KCNMB2: variants seen among roughly 807,000 people sequenced by gnomAD.
KCNMB2 encodes the protein calcium-activated potassium channel subunit beta-2.
Under a neutral mutation model 24.5 loss-of-function variants are expected in KCNMB2, and 9 were observed. The ratio of observed to expected loss-of-function variants is 0.37; its 90% CI spans 0.22 to 0.64. KCNMB2 has a LOEUF of 0.64. Ranked by LOEUF, KCNMB2 falls within the 30% of genes least tolerant of loss-of-function variation. KCNMB2 has a pLI of 0.63. For missense variants in KCNMB2, 226 were observed against 284.3 expected (o/e 0.79, Z 1.47); for synonymous variants, 109 against 104.4 (o/e 1.04, Z -0.27).
chr3:178,585,030 G>A (rs1427114253), intron 1 of KCNMB2, among the ~76,000 whole-genome samples: 1 of 152,148 alleles, frequency 6.6e-6, no homozygotes, highest in Admixed American at 6.5e-5. Flanking sequence ...CAGCAGCAGC[G>A]CTCTTCTTGA....
intron 1 of KCNMB2, among the ~76,000 whole-genome samples, chr3:178,638,746 T>C (rs934427182): frequency 8.5e-5 from 13 of 152,176 alleles, no homozygotes; most frequent in Admixed American, 1.3e-4. Context: ...GGAAGTATTT[T>C]CTTAGATAGT....
chr3:178,704,568 C>CA (rs1300371832), intron 1 of KCNMB2, among the ~76,000 whole-genome samples: 4 of 151,344 alleles, frequency 2.6e-5, no homozygotes, highest in South Asian at 2.1e-4. Flanking sequence ...TCTATCATTG[C>CA]AAAAAAAAAT....
At chr3:178,718,022 T>G (rs545712768) in intron 1 of KCNMB2, among the ~76,000 whole-genome samples, 9 of 152,334 alleles carry the variant, frequency 5.9e-5, no homozygotes, top group Non-Finnish European at 1.0e-4. Flanking sequence ...TTAACAATAA[T>G]AAGTGGACAT....
At chr3:178,574,301 ACT>A (rs1313179915) in intron 1 of KCNMB2, among the ~76,000 whole-genome samples, 12 of 151,944 alleles carry the variant, frequency 7.9e-5, no homozygotes, top group Non-Finnish European at 1.8e-4. Flanking sequence ...GCAGGCTGTG[ACT>A]CTTCACGCTC....
rs192399998 is a variant in KCNMB2, at chr3:178,603,451, G to A, written c.-68+66740G>A. Reference sequence around the variant, plus strand: ...AGAACAAATTTTTGAAAAAAGAAATGGGTCATTTGAGAAATGGGCAAAGGA... The same window carrying A: ...AGAACAAATTTTTGAAAAAAGAAATAGGTCATTTGAGAAATGGGCAAAGGA... On this transcript the variant is annotated intron_variant, in intron 1 of 4. Transcript: ENST00000452583. 8.4e-3 allele frequency among the ~76,000 whole-genome samples: 1,283 copies of A among 152,028 alleles called. 13 individuals carry two copies. The highest frequency in any genetic ancestry group is 0.026 in the South Asian group (125 of 4,798).
At chr3:178,827,631 T>C (rs1312268923) in intron 3 of KCNMB2, among the ~76,000 whole-genome samples, 1 of 152,224 alleles carries the variant, frequency 6.6e-6, no homozygotes, top group Non-Finnish European at 1.5e-5. Context: ...TTTTCCCTTA[T>C]TAGAAAGACC....
chr3:178,588,197 A>G, intron 1 of KCNMB2, among the ~76,000 whole-genome samples: 1 of 152,124 alleles, frequency 6.6e-6, no homozygotes, highest in East Asian at 1.9e-4. Context: ...AACCAGATGG[A>G]CCCTGCCTTT....
At chr3:178,754,195 C>CAT (rs144108176) in intron 1 of KCNMB2, among the ~76,000 whole-genome samples, 62,629 of 137,120 alleles carry the variant, frequency 0.46, 14,413 homozygotes, top group Non-Finnish European at 0.48. Flanking sequence ...CACACACATA[C>CAT]ATATATATAT....
intron 1 of KCNMB2, among the ~76,000 whole-genome samples, chr3:178,691,020 C>G (rs1721651591): frequency 6.6e-6 from 1 of 151,806 alleles, no homozygotes; most frequent in Non-Finnish European, 1.5e-5. Flanking sequence ...TCACTGCAAC[C>G]TCCACATCCA....
chr3:178,842,990 C>T lies in KCNMB2; in HGVS notation c.*53C>T. On this transcript the variant is annotated 3_prime_UTR_variant, in exon 5 of 5. Coordinates refer to ENST00000452583, the MANE Select transcript of KCNMB2 (RefSeq NM_181361.3). ...TTAAAGCTCAAATACTGTTTTCTTT[C>T]ATTCTTCACCAAAGAACCTTAAGTT... The T allele has an allele frequency of 6.3e-6, 9 of 1,439,098 alleles. No individual in the cohort carries two copies. Among genetic ancestry groups the T allele is most frequent in the Non-Finnish European group, 6.7e-6 (7 of 1,051,120 alleles). The allele number at this position is 1,439,098 out of a possible 1,614,324, so 89.1% of individuals were successfully genotyped here.
At chr3:178,614,127 TC>T (rs1254266502) in intron 1 of KCNMB2, among the ~76,000 whole-genome samples, 1 of 145,842 alleles carries the variant, frequency 6.9e-6, no homozygotes, top group East Asian at 2.1e-4. Flanking sequence ...ATAGCATTTT[TC>T]AACTCTAGAA....
intron 1 of KCNMB2, among the ~76,000 whole-genome samples, chr3:178,614,605 T>A (rs555536672): frequency 3.9e-4 from 59 of 152,034 alleles, no homozygotes; most frequent in Admixed American, 3.3e-3. Context: ...TTGTGGGAGC[T>A]ACAAGTCAAG....
intron 2 of KCNMB2, among the ~76,000 whole-genome samples, chr3:178,811,509 T>C (rs1479249834): frequency 6.6e-6 from 1 of 152,224 alleles, no homozygotes; most frequent in Non-Finnish European, 1.5e-5. Flanking sequence ...CCAAACATTA[T>C]GTTGTTATGA....
intron 1 of KCNMB2, among the ~76,000 whole-genome samples, chr3:178,752,302 C>T (rs2108390563): frequency 6.6e-6 from 1 of 152,190 alleles, no homozygotes; most frequent in Admixed American, 6.5e-5. Context: ...TTGAGCTGCG[C>T]CTTTAAGAAA....
chr3:178,837,544 G>C (rs1404709075), intron 4 of KCNMB2, among the ~76,000 whole-genome samples: 2 of 152,282 alleles, frequency 1.3e-5, no homozygotes, highest in East Asian at 3.9e-4. Flanking sequence ...TTCAGGGACA[G>C]TTAATGGTCT....
rs562499554 is a variant in KCNMB2 at position 178,792,853 on chromosome 3, C to T, written c.-67-14490C>T. On this transcript the variant is annotated intron_variant, in intron 1 of 4. Transcript: ENST00000452583. ...AGCTGGGGAAGTGTCACTGCCAAGCCTGCAGCCTGACGCCCTCTCAATAGT... is the reference window on the plus strand; with the variant it reads ...AGCTGGGGAAGTGTCACTGCCAAGCTTGCAGCCTGACGCCCTCTCAATAGT... 8.4e-4 allele frequency among the ~76,000 whole-genome samples: 128 copies of T among 152,352 alleles called. 1 individual carries two copies. The highest frequency in any genetic ancestry group is 3.0e-3 in the African/African-American group (126 of 41,576).
intron 1 of KCNMB2, among the ~76,000 whole-genome samples, chr3:178,605,431 G>A (rs766569892): frequency 3.3e-5 from 5 of 152,170 alleles, no homozygotes; most frequent in Non-Finnish European, 5.9e-5. Flanking sequence ...AAGTGAACGT[G>A]CTGCTGTAAC....
intron 1 of KCNMB2, among the ~76,000 whole-genome samples, chr3:178,683,583 T>G (rs1721351478): frequency 6.6e-6 from 1 of 152,208 alleles, no homozygotes; most frequent in African/African-American, 2.4e-5. Flanking sequence ...CACATTCAGA[T>G]GTGTGTTTTA....
chr3:178,587,601 GGTTT>G (rs1717492082), intron 1 of KCNMB2, among the ~76,000 whole-genome samples: 1 of 133,086 alleles, frequency 7.5e-6, no homozygotes, highest in Non-Finnish European at 1.6e-5. Flanking sequence ...TTTTTTGGGT[GGTTT>G]TTTTTTTTTT....
Sources: gnomAD v4.1 joint callset for allele counts (sites outside exome capture counted in the v4.1 genomes callset) on GRCh38, gnomAD v4.1.1 for gene constraint, MANE v1.5 for transcripts, NCBI Gene and HGNC (gene_info 2026-07-23, HGNC 2026-07-21) for gene names.